Variants in ADGRA2 observed in about 807,000 individuals in gnomAD.
The protein encoded by ADGRA2 is adhesion G protein-coupled receptor A2, also known as G-protein coupled receptor 124.
Under a neutral mutation model 98.7 loss-of-function variants are expected in ADGRA2, and 61 were observed. The observed-to-expected ratio is 0.62, with a 90% CI of 0.50 to 0.76. The LOEUF is 0.76. Among genes scored for constraint, ADGRA2 ranks in the 30% least tolerant of loss-of-function variants. The pLI, the probability that ADGRA2 is intolerant of heterozygous loss-of-function variation, is 0.00. For synonymous variants in ADGRA2, 858 were observed against 831.5 expected, an observed-to-expected ratio of 1.03 and a Z score of -0.55; for missense variants, 1,712 against 1,860.0, an observed-to-expected ratio of 0.92 and a Z score of 1.46.
In ADGRA2 at chr8:37,843,688, A is replaced by G. The variant is rs1227593359; in HGVS notation, c.*1333A>G. 6.6e-6 allele frequency: 1 copy of G among 152,302 alleles called. No individual in the cohort carries two copies. Among genetic ancestry groups the G allele is most frequent in the Non-Finnish European group, 1.5e-5 (1 of 68,006 alleles). 9.4% of individuals were successfully genotyped at this position (152,302 alleles called of 1,614,324 possible). ...CACAGGGGAGGGGGAAAACCCACACACACTCCTTGGAATGGGTCCTGTTAT... is the reference window on the plus strand; with the variant it reads ...CACAGGGGAGGGGGAAAACCCACACGCACTCCTTGGAATGGGTCCTGTTAT... On this transcript the variant is annotated 3_prime_UTR_variant, in exon 19 of 19. Transcript: ENST00000412232.
rs577775129 is a variant in ADGRA2, at chr8:37,828,501, T to A, written c.339-387T>A. ...TGGTTCTTTTTTTTTTTTTTTTTTT[T>A]TTTGAGATGGAGTCTCGCTCTGTCG... On this transcript the variant is annotated intron_variant, in intron 2 of 18. Transcript: ENST00000412232. 5.1e-3 allele frequency among the ~76,000 whole-genome samples: 756 copies of A among 146,844 alleles called. 4 individuals carry two copies. Among genetic ancestry groups the A allele is most frequent in the African/African-American group, 0.018 (737 of 40,006 alleles).
At position 37,842,170 on chromosome 8, in the gene ADGRA2, GAC is replaced by G; in HGVS notation, c.3834_3835del (p.Asp1278GlufsTer112). The G allele has an allele frequency of 6.5e-7, 1 of 1,531,436 alleles. No homozygotes were observed. Among genetic ancestry groups the G allele is most frequent in the Non-Finnish European group, 8.8e-7 (1 of 1,141,758 alleles). 94.9% of individuals were successfully genotyped at this position (1,531,436 alleles called of 1,614,324 possible). On this transcript the variant is annotated frameshift_variant, in exon 19 of 19. Transcript: ENST00000412232. LOFTEE classifies it low-confidence loss of function (END_TRUNC). ...AGGCCAGCGCCGCAGCGCCAGCCGC[GAC>G]AGTCTCAAGGGCGGCGGCGCGCTGG... Reference protein sequence around the residue: ...RAGQRRSASRDSLKGGGALEK... With the variant: ...RAGQRRSASRXSLKGGGALEK...
chr8:37,827,771 C>T (rs1013917098), intron 2 of ADGRA2, among the ~76,000 whole-genome samples: 9 of 152,214 alleles, frequency 5.9e-5, no homozygotes, highest in Non-Finnish European at 1.2e-4. Context: ...ACCTGGGCCT[C>T]GGCCAGCCGC....
intron 2 of ADGRA2, among the ~76,000 whole-genome samples, chr8:37,819,208 C>T (rs1276584417): frequency 6.6e-6 from 1 of 152,130 alleles, no homozygotes; most frequent in Non-Finnish European, 1.5e-5. Context: ...AGAAGATAAT[C>T]ACAGGACCCA....
Position 37,841,519 on chromosome 8 carries a change from C to T in ADGRA2, c.3181C>T (p.Leu1061=). 2 of 1,612,844 alleles carry T rather than the reference C, an allele frequency of 1.2e-6. No homozygotes were observed. The highest frequency in any genetic ancestry group is 1.7e-6 in the Non-Finnish European group (2 of 1,179,844). The part of the protein sequence containing the change: ...SCLYGVAASA[L]GLFVFTHHCA... ...CTTGTACGGGGTGGCAGCCTCCGCC[C>T]TGGGCCTCTTCGTCTTCACTCACCA... Residue 1061 remains leucine, a synonymous_variant, in exon 19 of 19, where the codon CTG becomes TTG. Coordinates refer to ENST00000412232, the MANE Select transcript of ADGRA2 (RefSeq NM_032777.10). This position sits in a 1 kb window ranked among gnomAD's most constrained non-coding sequence, Gnocchi z 5.0.
rs756662350 is a variant in ADGRA2 at position 37,829,941 on chromosome 8, C to T, written c.645C>T (p.His215=). 15 of 1,611,378 alleles carry T rather than the reference C, an allele frequency of 9.3e-6. No individual in the cohort carries two copies. In the Admixed American group the frequency reaches 2.3e-4, roughly 25 times the overall value. ...AQNRSLQLSE[H]TLCAYPSALH... is the part of the protein sequence containing the mutation. ...ATCGCTCCCTGCAGCTGTCGGAACA[C>T]ACGCTCTGTGCTTACCCCAGTGCCC... is the stretch of plus-strand genomic sequence containing the variant. The change falls in exon 6 of 19, where the codon CAC becomes CAT. Residue 215 remains histidine, a synonymous_variant. Transcript: ENST00000412232.
intron 1 of ADGRA2, among the ~76,000 whole-genome samples, chr8:37,805,519 T>G (rs1242658291): frequency 6.6e-6 from 1 of 152,218 alleles, no homozygotes; most frequent in East Asian, 1.9e-4. Context: ...GGGGGATCAC[T>G]TGAGGCCAGG....
rs376732365 is a variant in ADGRA2 at position 37,841,739 on chromosome 8, G to A, written c.3401G>A (p.Cys1134Tyr). ...SSGHPLALGP[C>Y]KLTNLQLAQS... ...GGCCATCCGCTGGCTCTGGGCCCCT[G>A]CAAGCTCACCAACCTGCAGCTGGCC... The change falls in exon 19 of 19, where the codon TGC becomes TAC. Residue 1134 changes from cysteine (C) to tyrosine (Y), a missense_variant. By Grantham distance (194) the Cys-to-Tyr change is radical. Transcript: ENST00000412232. This position sits in a 1 kb window ranked among gnomAD's most constrained non-coding sequence, Gnocchi z 5.0. 3.2e-5 allele frequency: 50 copies of A among 1,541,436 alleles called. No individual in the cohort carries two copies. The East Asian group carries it at 9.9e-4, about 31-fold the overall frequency.
intron 2 of ADGRA2, among the ~76,000 whole-genome samples, chr8:37,825,519 G>T (rs1172189798): frequency 6.6e-6 from 1 of 151,896 alleles, no homozygotes; most frequent in Non-Finnish European, 1.5e-5. Flanking sequence ...AAAGTGCAGG[G>T]ATTACAGGTG....
chr8:37,831,040 A>C (rs369755312), intron 7 of ADGRA2, 117 bp downstream of exon 7: 11 of 717,524 alleles, frequency 1.5e-5, no homozygotes, highest in African/African-American at 7.1e-5. Context: ...CTGTGCTTGT[A>C]TATTTATGGA....
At position 37,796,973 on chromosome 8, in the gene ADGRA2, G is replaced by A; in HGVS notation, c.-296G>A. ...CCAGCGCCCAGCGAGCAGGCGACGC[G>A]GAGGGGCCGGGCCTCCAGTGTCCCG... On this transcript the variant is annotated 5_prime_UTR_variant, in exon 1 of 19. Coordinates refer to ENST00000412232, the MANE Select transcript of ADGRA2 (RefSeq NM_032777.10). The A allele has an allele frequency of 6.2e-6, 1 of 161,520 alleles. No homozygotes were observed. The highest frequency in any genetic ancestry group is 1.3e-5 in the Non-Finnish European group (1 of 74,280). 10.0% of individuals were successfully genotyped at this position (161,520 alleles called of 1,614,324 possible). A position where few individuals can be genotyped will look rare whatever the true frequency, so the allele number is the denominator to read the frequency against.
intron 2 of ADGRA2, among the ~76,000 whole-genome samples, chr8:37,823,112 C>T (rs961653738): frequency 6.0e-5 from 9 of 150,796 alleles, no homozygotes; most frequent in African/African-American, 1.5e-4. Context: ...AGGCTGGTCT[C>T]GAACTCCTGA....
chr8:37,841,856 CCA>C lies in ADGRA2; in HGVS notation c.3519_3520del (p.Asn1174GlnfsTer91). ...CGGGGAAACCTCGCCCACCGCCACC[CCA>C]ACAACGTGCACCACGGGCGTCGGGC... On this transcript the variant is annotated frameshift_variant, in exon 19 of 19. Transcript: ENST00000412232. LOFTEE classifies it low-confidence loss of function (END_TRUNC). This position sits in a 1 kb window ranked among gnomAD's most constrained non-coding sequence, Gnocchi z 5.0. 1 of 1,534,280 alleles carries C rather than the reference CCA, an allele frequency of 6.5e-7. No individual in the cohort carries two copies. Among genetic ancestry groups the C allele is most frequent in the South Asian group, 1.2e-5 (1 of 83,968 alleles).
intron 1 of ADGRA2, among the ~76,000 whole-genome samples, chr8:37,812,622 G>A (rs571550102): frequency 6.6e-6 from 1 of 151,878 alleles, no homozygotes; most frequent in South Asian, 2.1e-4. Flanking sequence ...GCGAGACTCC[G>A]TCTCAAAAAA....
At position 37,835,659 on chromosome 8, in the gene ADGRA2, G is replaced by C; in HGVS notation, c.1939G>C (p.Val647Leu). ...VPPDCTLQLL[V>L]FRNGRLFHSH... ...CCCAGACTGCACCCTGCAACTGCTCGTCTTCCGAAATGGCCGCCTCTTCCA... is the reference window on the plus strand; with the variant it reads ...CCCAGACTGCACCCTGCAACTGCTCCTCTTCCGAAATGGCCGCCTCTTCCA... The change falls in exon 13 of 19, where the codon GTC becomes CTC. Residue 647 changes from valine to leucine, a missense_variant. Coordinates refer to ENST00000412232, the MANE Select transcript of ADGRA2 (RefSeq NM_032777.10). 1 of 1,613,844 alleles carries C rather than the reference G, an allele frequency of 6.2e-7. No individual in the cohort carries two copies. The highest frequency in any genetic ancestry group is 8.5e-7 in the Non-Finnish European group (1 of 1,179,890).
chr8:37,813,402 T>A (rs1347071391), intron 1 of ADGRA2, among the ~76,000 whole-genome samples: 5 of 152,108 alleles, frequency 3.3e-5, no homozygotes, highest in Non-Finnish European at 5.9e-5. Context: ...TCCTAACTCA[T>A]AAAATGAGAA....
intron 2 of ADGRA2, among the ~76,000 whole-genome samples, chr8:37,816,432 A>C (rs1804983500): frequency 6.6e-6 from 1 of 151,846 alleles, no homozygotes; most frequent in African/African-American, 2.4e-5. Context: ...ACCTCTACTA[A>C]AAATACAAAA....
Position 37,802,769 on chromosome 8 carries a change from G to A in ADGRA2, c.266+5235G>A, listed in dbSNP as rs1448940377. Among the ~76,000 whole-genome samples, 1 of 152,206 alleles carries A rather than the reference G, an allele frequency of 6.6e-6. No homozygotes were observed. Among genetic ancestry groups the A allele is most frequent in the African/African-American group, 2.4e-5 (1 of 41,448 alleles). ...GAGCTCCCTCTGCTGCAGGATGTTAGAGTCAGGGTCCCATCCTAGGGAGAG... is the reference window on the plus strand; with the variant it reads ...GAGCTCCCTCTGCTGCAGGATGTTAAAGTCAGGGTCCCATCCTAGGGAGAG... On this transcript the variant is annotated intron_variant, in intron 1 of 18. Transcript: ENST00000412232. This position sits in a 1 kb window ranked among gnomAD's most constrained non-coding sequence, Gnocchi z 4.7.
rs1432081579 is a variant in ADGRA2, at chr8:37,833,854, A to G, written c.1446+17A>G. On this transcript the variant is annotated intron_variant, in intron 10 of 18. Transcript: ENST00000412232. ...ATCAAAGAGGTGAGACTCAGCTGGA[A>G]CTCAGGAGCTCGGAAAACGCCCCCA... 6.2e-7 allele frequency: 1 copy of G among 1,612,696 alleles called. No individual in the cohort carries two copies. Among genetic ancestry groups the G allele is most frequent in the African/African-American group, 1.3e-5 (1 of 74,992 alleles).
Sources: allele counts gnomAD v4.1 joint callset (sites outside exome capture counted in the v4.1 genomes callset), GRCh38; gene constraint gnomAD v4.1.1; non-coding constraint Gnocchi (gnomAD v3.1); transcripts MANE v1.5; gene names NCBI Gene and HGNC (gene_info 2026-07-23, HGNC 2026-07-21).